SHANK2: variants seen among roughly 807,000 people sequenced by gnomAD.
SHANK2 encodes the protein SH3 and multiple ankyrin repeat domains protein 2.
Under a neutral mutation model 133.7 loss-of-function variants are expected in SHANK2, and 43 were observed. The ratio of observed to expected loss-of-function variants is 0.32; its 90% CI spans 0.25 to 0.41. The LOEUF (loss-of-function observed/expected upper bound fraction) is 0.41. Among genes scored for constraint, SHANK2 ranks in the 10% least tolerant of loss-of-function variants. The pLI is 1.00. For synonymous variants in SHANK2, 1,017 were observed against 952.8 expected (o/e 1.07, Z -1.24); for missense variants, 1,994 against 2,235.8 (o/e 0.89, Z 2.18).
chr11:71,161,972 TAG>T (rs1953028596), intron 2 of SHANK2, among the ~76,000 whole-genome samples: 1 of 152,210 alleles, frequency 6.6e-6, no homozygotes, highest in East Asian at 1.9e-4. Flanking sequence ...TCAAATCTGG[TAG>T]ACAGTGTGGA....
intron 3 of SHANK2, among the ~76,000 whole-genome samples, chr11:71,124,776 C>A (rs557412300): frequency 1.3e-5 from 2 of 152,176 alleles, no homozygotes; most frequent in South Asian, 4.1e-4. Flanking sequence ...AGAGGCATAT[C>A]CCATTCTATT....
At chr11:70,799,751 G>A (rs1397907592) in intron 13 of SHANK2, among the ~76,000 whole-genome samples, 1 of 152,236 alleles carries the variant, frequency 6.6e-6, no homozygotes, top group East Asian at 1.9e-4. Flanking sequence ...AGCCTACAGG[G>A]TGGAAGTTGC....
chr11:71,084,893 T>C lies in SHANK2; in HGVS notation c.912+7529A>G, dbSNP rs1424575400. On this transcript the variant is annotated intron_variant, in intron 8 of 25. Transcript: ENST00000601538. ...AATGAGAAGTAACCAGCTCTGAGGA[T>C]ATAGAATCATAGTGCAATTAAAGCA... is the stretch of plus-strand genomic sequence containing the variant. Among the ~76,000 whole-genome samples the C allele has an allele frequency of 7.2e-5, 11 of 152,298 alleles. No homozygotes were observed. The East Asian group carries it at 9.7e-4, about 13-fold the overall frequency.
intron 17 of SHANK2, among the ~76,000 whole-genome samples, chr11:70,659,493 A>T (rs1555012581): frequency 1.3e-5 from 2 of 152,172 alleles, no homozygotes; most frequent in Non-Finnish European, 2.9e-5. Flanking sequence ...GTGCCTATTT[A>T]GTCACAACTA....
chr11:71,082,126 C>G (rs1300857170), intron 8 of SHANK2, among the ~76,000 whole-genome samples: 10 of 152,336 alleles, frequency 6.6e-5, no homozygotes, highest in African/African-American at 2.2e-4. Flanking sequence ...CCTGCCAGCA[C>G]CACAGCCTGG....
intron 12 of SHANK2, among the ~76,000 whole-genome samples, chr11:70,818,463 G>A (rs1948448008): frequency 6.6e-6 from 1 of 152,340 alleles, no homozygotes. Context: ...TCTGCAGCCA[G>A]CTCAAGTCCC....
intron 10 of SHANK2, among the ~76,000 whole-genome samples, chr11:70,903,585 C>T (rs1822974335): frequency 6.6e-6 from 1 of 152,118 alleles, no homozygotes; most frequent in Admixed American, 6.5e-5. Context: ...TGGCAAGCGT[C>T]ATTGGGAAAG....
intron 17 of SHANK2, among the ~76,000 whole-genome samples, chr11:70,579,113 T>G (rs2060152845): frequency 6.6e-6 from 1 of 152,188 alleles, no homozygotes; most frequent in South Asian, 2.1e-4. Context: ...GGCCCTACTC[T>G]GATTTATTAA....
chr11:70,631,408 A>ACACACACC (rs1555002113), intron 17 of SHANK2, among the ~76,000 whole-genome samples: 21,294 of 148,058 alleles, frequency 0.14, 2,043 homozygotes, highest in Non-Finnish European at 0.22. Context: ...ACACACACAC[A>ACACACACC]CCCACACAAC....
chr11:70,502,702 G>T lies in SHANK2; in HGVS notation c.2197+94C>A. 18 of 1,375,366 alleles carry T rather than the reference G, an allele frequency of 1.3e-5. No individual in the cohort carries two copies. The South Asian group carries it at 2.4e-4, about 18-fold the overall frequency. The allele number at this position is 1,375,366 out of a possible 1,614,324, so 85.2% of individuals were successfully genotyped here. A position where few individuals can be genotyped will look rare whatever the true frequency, so the allele number is the denominator to read the frequency against. ...TCTCAGAAGTGTGGGATCAGCTGGA[G>T]AGAGGGCCCACTGCCCCCCAGCTGT... On this transcript the variant is annotated intron_variant, in intron 18 of 25. Coordinates refer to ENST00000601538, the MANE Select transcript of SHANK2 (RefSeq NM_012309.5).
chr11:70,564,251 C>CTT (rs1417867790), intron 17 of SHANK2, among the ~76,000 whole-genome samples: 6 of 151,072 alleles, frequency 4.0e-5, no homozygotes, highest in Non-Finnish European at 8.8e-5. Flanking sequence ...AAATATTTTT[C>CTT]TTTTCTTTTC....
At position 70,830,921 on chromosome 11, in the gene SHANK2, C is replaced by T. The variant is rs531332880; in HGVS notation, c.1175-10239G>A. Among the ~76,000 whole-genome samples the T allele has an allele frequency of 6.6e-6, 1 of 152,314 alleles. No homozygotes were observed. The highest frequency in any genetic ancestry group is 2.1e-4 in the South Asian group (1 of 4,824). On this transcript the variant is annotated intron_variant, in intron 11 of 25. Coordinates refer to ENST00000601538, the MANE Select transcript of SHANK2 (RefSeq NM_012309.5). This position sits in a 1 kb window ranked among gnomAD's most constrained non-coding sequence, Gnocchi z 4.4. ...ATGCCCACAGCATGGCTGAGCACTC[C>T]CTTCCTTCTGCCTTTAGACCCACTG...
chr11:70,806,958 C>T (rs776875845), intron 13 of SHANK2, 44 bp downstream of exon 13: 2 of 705,414 alleles, frequency 2.8e-6, no homozygotes, highest in South Asian at 1.5e-5. Flanking sequence ...AGGGCCCCAG[C>T]CTGACCTCAC....
intron 10 of SHANK2, among the ~76,000 whole-genome samples, chr11:70,920,013 C>G (rs1049592973): frequency 1.3e-5 from 2 of 152,140 alleles, no homozygotes; most frequent in Non-Finnish European, 2.9e-5. Flanking sequence ...GTCTCAAGTT[C>G]AAGTTTACCA....
intron 10 of SHANK2, chr11:70,950,081 G>A (rs1213529099): frequency 4.4e-6 from 2 of 456,474 alleles, no homozygotes; most frequent in African/African-American, 4.0e-5. Context: ...TTTGGAGATG[G>A]AGTTTCGCCC....
At chr11:71,221,994 G>C (rs1954550818) in intron 2 of SHANK2, among the ~76,000 whole-genome samples, 1 of 152,148 alleles carries the variant, frequency 6.6e-6, no homozygotes, top group South Asian at 2.1e-4. Context: ...GAGGAAGCAG[G>C]AGAAGCCGCT....
chr11:71,106,293 C>T (rs1951800843), intron 6 of SHANK2, among the ~76,000 whole-genome samples: 1 of 152,198 alleles, frequency 6.6e-6, no homozygotes, highest in Non-Finnish European at 1.5e-5. Flanking sequence ...CATAATTCTG[C>T]CTTAAATTTT....
chr11:70,542,256 T>G (rs2059632032), intron 17 of SHANK2, among the ~76,000 whole-genome samples: 1 of 152,206 alleles, frequency 6.6e-6, no homozygotes, highest in African/African-American at 2.4e-5. Context: ...GAGATCATCC[T>G]CGGTTACTGA....
Position 70,487,073 on chromosome 11 carries a change from C to A in SHANK2, c.3220G>T (p.Val1074Phe). The stretch of plus-strand genomic sequence containing the variant: ...ATGGCGGCGGCAAAGGGGCTGCTGA[C>A]GGTCAGGCTTTCGTCAGGCCGCAGC... ...SQLRPDESLT[V>F]SSPFAAAIAG... The change falls in exon 25 of 26, where the codon GTC becomes TTC. Residue 1074 changes from valine to phenylalanine, a missense_variant. Val to Phe is a conservative substitution (Grantham distance 50). Around this residue, in one of 5 missense-constraint regions of SHANK2, gnomAD observed 488 missense variants for 642.6 expected, o/e 0.76. Coordinates refer to ENST00000601538, the MANE Select transcript of SHANK2 (RefSeq NM_012309.5). The surrounding 1 kb of genome is among the most constrained non-coding windows in gnomAD (Gnocchi z 5.8). 6.2e-7 allele frequency: 1 copy of A among 1,609,694 alleles called. No homozygotes were observed. The highest frequency in any genetic ancestry group is 8.5e-7 in the Non-Finnish European group (1 of 1,179,840).
Sources: gnomAD v4.1 joint callset for allele counts (sites outside exome capture counted in the v4.1 genomes callset) on GRCh38, gnomAD v4.1.1 for gene constraint, gnomAD v4.1.1 regional missense constraint, Gnocchi (gnomAD v3.1) non-coding constraint, MANE v1.5 for transcripts, NCBI Gene and HGNC (gene_info 2026-07-23, HGNC 2026-07-21) for gene names.